Variants in ZNF91 observed in about 807,000 individuals in gnomAD.
ZNF91 encodes the protein zinc finger protein 91 (HPF7, HTF10).
A neutral mutation model predicts 12.6 loss-of-function variants in ZNF91; 7 were observed. The ratio of observed to expected loss-of-function variants is 0.55; its 90% CI spans 0.31 to 1.04. ZNF91 has a LOEUF of 1.04. Among genes scored for constraint, ZNF91 ranks in the 50% least tolerant of loss-of-function variants. ZNF91 has a pLI of 0.05. For synonymous variants in ZNF91, 453 were observed against 462.6 expected (o/e 0.98, Z 0.27); for missense variants, 1,217 against 1,385.4 (o/e 0.88, Z 1.93).
At chr19:23,347,274 C>T (rs1387232073) in intron 3 of ZNF91, among the ~76,000 whole-genome samples, 2 of 152,124 alleles carry the variant, frequency 1.3e-5, no homozygotes, top group Admixed American at 6.5e-5. Flanking sequence ...CATTCACACT[C>T]GTCCATCTGG....
intron 3 of ZNF91, among the ~76,000 whole-genome samples, chr19:23,370,210 T>C (rs191524095): frequency 6.6e-6 from 1 of 152,050 alleles, no homozygotes; most frequent in Non-Finnish European, 1.5e-5. Context: ...CAACGGAGTA[T>C]TATTCAACCT....
chr19:23,348,605 G>A (rs1281400883), intron 3 of ZNF91, among the ~76,000 whole-genome samples: 2 of 152,150 alleles, frequency 1.3e-5, no homozygotes, highest in Non-Finnish European at 2.9e-5. Context: ...TAAAACATGT[G>A]TGTTTGAACA....
chr19:23,348,367 T>C (rs1051470358), intron 3 of ZNF91, among the ~76,000 whole-genome samples: 1 of 152,214 alleles, frequency 6.6e-6, no homozygotes, highest in Non-Finnish European at 1.5e-5. Context: ...GGACATTTAT[T>C]AGTTCCCAAA....
At chr19:23,346,046 G>A (rs1218264342) in intron 3 of ZNF91, among the ~76,000 whole-genome samples, 2 of 152,038 alleles carry the variant, frequency 1.3e-5, no homozygotes, top group East Asian at 1.9e-4. Flanking sequence ...TTACTTCAGC[G>A]GCTGTGCTAC....
chr19:23,332,568 C>T (rs975714273), intron 1 of ZNF91, among the ~76,000 whole-genome samples: 10 of 152,158 alleles, frequency 6.6e-5, no homozygotes, highest in Admixed American at 6.5e-4. Flanking sequence ...AACTGAAAAT[C>T]TCCTGTGTGC....
chr19:23,317,343 C>G (rs2434384), intron 1 of ZNF91, among the ~76,000 whole-genome samples: 154 of 152,228 alleles, frequency 1.0e-3, no homozygotes, highest in African/African-American at 3.5e-3. Context: ...CCACCGCGCC[C>G]GGCCAGGTGA....
At chr19:23,312,596 A>C (rs17490758), upstream of ZNF91, among the ~76,000 whole-genome samples, 29,352 of 152,126 alleles carry the variant, frequency 0.19, 3,066 homozygotes, top group Non-Finnish European at 0.22. Context: ...GATTGTGACT[A>C]TCATACATAA....
intron 3 of ZNF91, among the ~76,000 whole-genome samples, chr19:23,351,928 T>G (rs1802717864): frequency 6.6e-6 from 1 of 152,060 alleles, no homozygotes; most frequent in South Asian, 2.1e-4. Flanking sequence ...TCCTGCTGGA[T>G]ACCACAGGAA....
At chr19:23,385,464 A>G (rs919550735) in intron 1 of ZNF91, among the ~76,000 whole-genome samples, 23 of 152,068 alleles carry the variant, frequency 1.5e-4, no homozygotes, top group African/African-American at 4.8e-4. Flanking sequence ...TGTTTGCAAA[A>G]ACAATTTAGA....
chr19:23,310,505 C>T (rs958858609), intron 1 of ZNF91: 1 of 152,206 alleles, frequency 6.6e-6, no homozygotes, highest in Non-Finnish European at 1.5e-5. Flanking sequence ...GATTGTGGCT[C>T]ATGTATATAG....
chr19:23,392,486 T>A (rs1169282406), intron 1 of ZNF91, among the ~76,000 whole-genome samples: 1 of 150,952 alleles, frequency 6.6e-6, no homozygotes, highest in Admixed American at 6.6e-5. Context: ...AGCATTAAAC[T>A]CAAAAATCAA....
intron 3 of ZNF91, among the ~76,000 whole-genome samples, chr19:23,348,569 ATTGAG>A (rs1400743520): frequency 2.6e-5 from 4 of 152,116 alleles, no homozygotes; most frequent in African/African-American, 4.8e-5. Flanking sequence ...CCCTGTGATG[ATTGAG>A]TTAACTGTAC....
Position 23,359,894 on chromosome 19 carries a change from T to A in ZNF91, c.3085A>T (p.Lys1029Ter). The change falls in exon 4 of 4, where the codon AAA becomes TAA. Residue 1029 changes from lysine to a stop codon, truncating the protein, a stop_gained. Transcript: ENST00000300619. LOFTEE classifies it low-confidence loss of function (END_TRUNC). ...AGCTTTGAGGATCGATTAAAAGCTT[T>A]GCCACATTCTTCACATTTGTATGGT... ...EKPYKCEECG[K>*]AFNRSSKLTT... 1.9e-6 allele frequency: 3 copies of A among 1,585,672 alleles called. No homozygotes were observed. Among genetic ancestry groups the A allele is most frequent in the Non-Finnish European group, 2.6e-6 (3 of 1,157,812 alleles).
intron 3 of ZNF91, among the ~76,000 whole-genome samples, chr19:23,371,564 A>G (rs771766102): frequency 7.2e-5 from 11 of 152,228 alleles, no homozygotes; most frequent in Non-Finnish European, 1.2e-4. Context: ...GTAAAACCAA[A>G]AAACAATAAA....
In ZNF91 at chr19:23,359,148, T is replaced by C; in HGVS notation, c.*255A>G. The C allele has an allele frequency of 1.9e-6, 1 of 534,286 alleles. No individual in the cohort carries two copies. The highest frequency in any genetic ancestry group is 3.5e-6 in the Non-Finnish European group (1 of 285,554). The allele number at this position is 534,286 out of a possible 1,614,324, so 33.1% of individuals were successfully genotyped here. On this transcript the variant is annotated 3_prime_UTR_variant, in exon 4 of 4. Coordinates refer to ENST00000300619, the MANE Select transcript of ZNF91 (RefSeq NM_003430.4). Reference sequence around the variant, plus strand: ...TTACTCCAGTATGAATTACCTTATGTTTAGTAAAGGTTGAAGACCGGTTAA... The same window carrying C: ...TTACTCCAGTATGAATTACCTTATGCTTAGTAAAGGTTGAAGACCGGTTAA...
intron 1 of ZNF91, among the ~76,000 whole-genome samples, chr19:23,379,508 A>C (rs1036896864): frequency 2.6e-5 from 4 of 152,234 alleles, no homozygotes; most frequent in African/African-American, 9.6e-5. Flanking sequence ...ATTGAAAAGA[A>C]ATAAAGACGG....
At chr19:23,345,789 A>G (rs1359772217) in intron 3 of ZNF91, among the ~76,000 whole-genome samples, 1 of 151,848 alleles carries the variant, frequency 6.6e-6, no homozygotes, top group Non-Finnish European at 1.5e-5. Flanking sequence ...AGCAGTATCC[A>G]CTTCTTTTCC....
Position 23,362,181 on chromosome 19 carries a change from G to A in ZNF91, c.798C>T (p.Tyr266=). 6.2e-7 allele frequency: 1 copy of A among 1,613,080 alleles called. No individual in the cohort carries two copies. Among genetic ancestry groups the A allele is most frequent in the South Asian group, 1.1e-5 (1 of 90,962 alleles). Residue 266 remains tyrosine (Y), a synonymous_variant, in exon 4 of 4, where the codon TAC becomes TAT. Coordinates refer to ENST00000300619, the MANE Select transcript of ZNF91 (RefSeq NM_003430.4). The part of the protein sequence containing the change: ...HKIICAKEKI[Y]KCEECGKAFL... ...ATGCTTTGCCACATTCTTCACACTT[G>A]TAGATTTTCTCTTTAGCACAGATTA...
chr19:23,352,149 T>C (rs377318759), intron 3 of ZNF91, among the ~76,000 whole-genome samples: 1 of 152,096 alleles, frequency 6.6e-6, no homozygotes, highest in East Asian at 1.9e-4. Flanking sequence ...TTAAGAAATT[T>C]TCAAGCCCAA....
Sources: gnomAD v4.1 joint callset for allele counts (sites outside exome capture counted in the v4.1 genomes callset) on GRCh38, gnomAD v4.1.1 for gene constraint, MANE v1.5 for transcripts, NCBI Gene and HGNC (gene_info 2026-07-23, HGNC 2026-07-21) for gene names.